Variants in POLD1 observed in about 807,000 individuals in gnomAD.
POLD1 encodes the protein DNA polymerase delta catalytic subunit.
Under a neutral mutation model 129.7 loss-of-function variants are expected in POLD1, and 79 were observed. The ratio of observed to expected loss-of-function variants is 0.61; its 90% CI spans 0.51 to 0.73. The LOEUF is 0.73. Among genes scored for constraint, POLD1 ranks in the 30% least tolerant of loss-of-function variants. The pLI, the probability that POLD1 is intolerant of heterozygous loss-of-function variation, is 0.00. For synonymous variants in POLD1, 714 were observed against 683.3 expected, an observed-to-expected ratio of 1.04 and a Z score of -0.70; for missense variants, 1,338 against 1,595.8, an observed-to-expected ratio of 0.84 and a Z score of 2.75.
intron 17 of POLD1, among the ~76,000 whole-genome samples, chr19:50,412,342 G>A (rs984492496): frequency 2.0e-5 from 3 of 152,074 alleles, no homozygotes; most frequent in African/African-American, 4.8e-5. Context: ...TAGTAGAGAC[G>A]GGGTTTCACC....
Position 50,402,330 on chromosome 19 carries a change from C to T in POLD1, c.715C>T (p.Pro239Ser), listed in dbSNP as rs1307112941. 2 of 1,610,884 alleles carry T rather than the reference C, an allele frequency of 1.2e-6. No individual in the cohort carries two copies. The highest frequency in any genetic ancestry group is 1.7e-5 in the Admixed American group (1 of 59,838). ...QGIRVAGLGT[P>S]SFAPYEANVD... is the part of the protein sequence containing the mutation. ...CATCCGTGTGGCAGGCCTGGGCACG[C>T]CCAGCTTCGCGCCCTACGAGGCCAA... is the stretch of plus-strand genomic sequence containing the variant. Residue 239 changes from proline to serine, a missense_variant, in exon 6 of 27, where the codon CCC becomes TCC. Coordinates refer to ENST00000440232, the MANE Select transcript of POLD1 (RefSeq NM_002691.4).
chr19:50,388,283 T>C (rs2038036530), intron 1 of POLD1, among the ~76,000 whole-genome samples: 1 of 152,326 alleles, frequency 6.6e-6, no homozygotes, highest in African/African-American at 2.4e-5. Flanking sequence ...CTAAATACCA[T>C]TGAACTATAT....
chr19:50,397,979 G>T (rs2038432078), intron 1 of POLD1, among the ~76,000 whole-genome samples: 1 of 152,166 alleles, frequency 6.6e-6, no homozygotes, highest in Non-Finnish European at 1.5e-5. Context: ...CTAACATGTG[G>T]AGGGGTATGG....
intron 2 of POLD1, 140 bp downstream of exon 2, chr19:50,399,193 C>A: frequency 7.5e-7 from 1 of 1,341,908 alleles, no homozygotes; most frequent in Non-Finnish European, 1.0e-6. Context: ...CCTTCCACCC[C>A]GTGCAGCCTG....
rs555746148 is a variant in POLD1 at position 50,407,645 on chromosome 19, G to C, written c.1775+230G>C. Among the ~76,000 whole-genome samples, 16 of 150,932 alleles carry C rather than the reference G, an allele frequency of 1.1e-4. No individual in the cohort carries two copies. The South Asian group carries it at 3.4e-3, about 32-fold the overall frequency. On this transcript the variant is annotated intron_variant, in intron 14 of 26. Coordinates refer to ENST00000440232, the MANE Select transcript of POLD1 (RefSeq NM_002691.4). ...GCAATCTCAGCTCACTGCAAGCTTT[G>C]CCTCCCGGGTTCACGCCATTCTCCT...
rs1555792834 is a variant in POLD1, at chr19:50,414,873, C to T, written c.2447C>T (p.Ser816Phe). The change falls in exon 20 of 27, where the codon TCC becomes TTC. Residue 816 changes from serine (S) to phenylalanine (F), a missense_variant. This residue lies in a region of POLD1 where 720 missense variants were observed against 1,002.6 expected (regional missense o/e 0.72). Coordinates refer to ENST00000440232, the MANE Select transcript of POLD1 (RefSeq NM_002691.4). ...CGCTACGCGGGCCTGCTCTTCTCCT[C>T]CCGGCCCGACGCCCACGACCGCATG... is the stretch of plus-strand genomic sequence containing the variant. ...KKRYAGLLFS[S>F]RPDAHDRMDC... The T allele has an allele frequency of 6.2e-7, 1 of 1,607,222 alleles. No homozygotes were observed. Among genetic ancestry groups the T allele is most frequent in the Non-Finnish European group, 8.5e-7 (1 of 1,175,612 alleles).
intron 10 of POLD1, among the ~76,000 whole-genome samples, chr19:50,405,584 A>G (rs2038845683): frequency 2.0e-5 from 3 of 152,090 alleles, no homozygotes; most frequent in Admixed American, 2.0e-4. Flanking sequence ...AAACAAGAAA[A>G]AATCCATTCT....
rs372211980 is a variant in POLD1, at chr19:50,402,487, C to T, written c.792C>T (p.Asn264=). ...FMVDTDIVGC[N]WLELPAGKYA... ...TGGACACGGACATCGTCGGCTGCAA[C>T]TGGCTGGAGCTCCCAGCTGGGAAAT... Residue 264 remains asparagine (N), a synonymous_variant, in exon 7 of 27, where the codon AAC becomes AAT. Transcript: ENST00000440232. 6.2e-7 allele frequency: 1 copy of T among 1,611,740 alleles called. No individual in the cohort carries two copies. The highest frequency in any genetic ancestry group is 1.7e-5 in the Admixed American group (1 of 59,648).
At chr19:50,396,406 G>A (rs1032881292) in intron 1 of POLD1, among the ~76,000 whole-genome samples, 1 of 147,426 alleles carries the variant, frequency 6.8e-6, no homozygotes, top group African/African-American at 2.7e-5. Flanking sequence ...CTTTTATATT[G>A]TATATCTTGT....
chr19:50,407,124 C>T lies in POLD1; in HGVS notation c.1636C>T (p.Leu546=), dbSNP rs1263352176. 2 of 1,613,376 alleles carry T rather than the reference C, an allele frequency of 1.2e-6. No homozygotes were observed. The highest frequency in any genetic ancestry group is 1.1e-5 in the South Asian group (1 of 91,072). ...GGTCACTGGCGTGCCCCTCAGCTACCTGCTCAGTCGTGGCCAGCAGGTCAA... is the reference window on the plus strand; with the variant it reads ...GGTCACTGGCGTGCCCCTCAGCTACTTGCTCAGTCGTGGCCAGCAGGTCAA... ...ARVTGVPLSY[L]LSRGQQVKVV... Residue 546 remains leucine, a synonymous_variant, in exon 13 of 27, where the codon CTG becomes TTG. Coordinates refer to ENST00000440232, the MANE Select transcript of POLD1 (RefSeq NM_002691.4).
At chr19:50,399,269 C>G (rs2038490923) in intron 2 of POLD1, 102 bp from the exon 3 acceptor site, 3 of 1,174,046 alleles carry the variant, frequency 2.6e-6, no homozygotes, top group Non-Finnish European at 3.7e-6. Flanking sequence ...CCTGCCTGAC[C>G]CAGACCACCA....
intron 3 of POLD1, among the ~76,000 whole-genome samples, 198 bp downstream of exon 3, chr19:50,399,682 C>T (rs1037268152): frequency 1.9e-4 from 29 of 152,192 alleles, no homozygotes; most frequent in Non-Finnish European, 1.0e-4. Flanking sequence ...GAGTGCGAAG[C>T]GAAGGTGACA....
chr19:50,404,574 CTTTT>C (rs71182717), intron 10 of POLD1, among the ~76,000 whole-genome samples: 3 of 77,862 alleles, frequency 3.9e-5, no homozygotes, highest in African/African-American at 1.3e-4. Flanking sequence ...TTTTCTCTTT[CTTTT>C]TTTTTTTTTT....
chr19:50,399,540 C>T (rs1025398764), intron 3 of POLD1, 56 bp downstream of exon 3: 70 of 1,341,758 alleles, frequency 5.2e-5, no homozygotes, highest in Middle Eastern at 1.9e-4. Context: ...GGGCAGAGGC[C>T]GGGCCAGGTC....
chr19:50,407,295 C>T, intron 13 of POLD1, 32 bp from the exon 14 acceptor site: 1 of 1,593,388 alleles, frequency 6.3e-7, no homozygotes, highest in Non-Finnish European at 8.6e-7. Flanking sequence ...CCCACCTATA[C>T]CCACTCCATT....
In POLD1 at chr19:50,409,802, A is replaced by G. The variant is rs1601228624; in HGVS notation, c.2154+136A>G. 5 of 942,128 alleles carry G rather than the reference A, an allele frequency of 5.3e-6. No homozygotes were observed. The East Asian group carries it at 7.6e-5, about 14-fold the overall frequency. 58.4% of individuals were successfully genotyped at this position (942,128 alleles called of 1,614,324 possible). On this transcript the variant is annotated intron_variant, in intron 17 of 26. Transcript: ENST00000440232. This position sits in a 1 kb window ranked among gnomAD's most constrained non-coding sequence, Gnocchi z 5.8. ...CTGGCCTTCTAGAGAGAGGATGCCA[A>G]TGTGGCTTGAGCAATTGGTCCATTC...
chr19:50,387,444 C>T (rs3219306), intron 1 of POLD1, among the ~76,000 whole-genome samples: 2,678 of 152,152 alleles, frequency 0.018, 72 homozygotes, highest in African/African-American at 0.058. Context: ...ACCGAAGGGT[C>T]GTGAGAGGGG....
In POLD1 at chr19:50,416,548, C is replaced by T. The variant is rs774194940; in HGVS notation, c.2953+20C>T. 1 of 1,548,898 alleles carries T rather than the reference C, an allele frequency of 6.5e-7. No homozygotes were observed. On this transcript the variant is annotated intron_variant, in intron 23 of 26. Transcript: ENST00000440232. The stretch of plus-strand genomic sequence containing the variant: ...TACTGCGTACGGGGGCACCAGGGGA[C>T]TGGGGGCACCCTGGGGGGGCAGAGG...
At chr19:50,410,813 T>C (rs1334292524) in intron 17 of POLD1, among the ~76,000 whole-genome samples, 1 of 152,112 alleles carries the variant, frequency 6.6e-6, no homozygotes, top group South Asian at 2.1e-4. Context: ...GAGCACCCTG[T>C]GACTGGCCTT....
Sources: allele counts gnomAD v4.1 joint callset (sites outside exome capture counted in the v4.1 genomes callset), GRCh38; gene constraint gnomAD v4.1.1; regional missense constraint gnomAD v4.1.1; non-coding constraint Gnocchi (gnomAD v3.1); transcripts MANE v1.5; gene names NCBI Gene and HGNC (gene_info 2026-07-23, HGNC 2026-07-21).